Variants in SYT9 observed in about 807,000 individuals in gnomAD.
SYT9 encodes synaptotagmin-9.
In SYT9, 22 loss-of-function variants were observed where a neutral mutation model predicts 48.4. That is an observed-to-expected ratio of 0.45 (90% confidence interval 0.32 to 0.65). SYT9 has a LOEUF of 0.65. Ranked by LOEUF, SYT9 falls within the 30% of genes least tolerant of loss-of-function variation. The probability of loss-of-function intolerance (pLI) is 0.03; values close to 1 mark genes in which losing one functional copy is unlikely to be tolerated. For missense variants in SYT9, 577 were observed against 622.0 expected (o/e 0.93, Z 0.77); for synonymous variants, 265 against 245.0 (o/e 1.08, Z -0.76).
intron 1 of SYT9, among the ~76,000 whole-genome samples, chr11:7,299,232 T>C (rs1387198698): frequency 2.6e-5 from 4 of 152,206 alleles, no homozygotes; most frequent in Non-Finnish European, 5.9e-5. Context: ...TGATGCTCCC[T>C]CTCCATTTTT....
At chr11:7,254,722 T>C (rs1363663616) in intron 1 of SYT9, among the ~76,000 whole-genome samples, 3 of 152,194 alleles carry the variant, frequency 2.0e-5, no homozygotes, top group Admixed American at 2.0e-4. Flanking sequence ...TCTGTTATTG[T>C]CCATTCACGG....
chr11:7,346,796 G>C (rs1243250253), intron 3 of SYT9, among the ~76,000 whole-genome samples: 1 of 152,202 alleles, frequency 6.6e-6, no homozygotes, highest in Non-Finnish European at 1.5e-5. Flanking sequence ...AGATAATTCT[G>C]ATACAAAGTC....
chr11:7,315,160 T>C (rs1006970744), intron 3 of SYT9, among the ~76,000 whole-genome samples: 5 of 152,158 alleles, frequency 3.3e-5, no homozygotes, highest in Non-Finnish European at 5.9e-5. Context: ...TGGAGCTGGA[T>C]AAGGTGCAGA....
chr11:7,420,490 T>C lies in SYT9; in HGVS notation c.1338-16T>C, dbSNP rs1466834498. On this transcript the variant is annotated splice_polypyrimidine_tract_variant and intron_variant, in intron 5 of 6. Coordinates refer to ENST00000318881, the MANE Select transcript of SYT9 (RefSeq NM_175733.4). ...CCAAAATTTTAAGAAAAAACTATTG[T>C]GGGCCATTTTCACAGTGTAGGTCAC... The C allele has an allele frequency of 3.1e-6, 5 of 1,613,250 alleles. No individual in the cohort carries two copies. Among genetic ancestry groups the C allele is most frequent in the African/African-American group, 1.3e-5 (1 of 74,908 alleles).
rs189523792 is a variant in SYT9 at position 7,394,098 on chromosome 11, C to G, written c.1045-21944C>G. On this transcript the variant is annotated intron_variant, in intron 3 of 6. Transcript: ENST00000318881. ...TTAACATTAGGTATATCTCCTAATG[C>G]TATCCCTCCCCCCTTCCCCCACCCC... Among the ~76,000 whole-genome samples the G allele has an allele frequency of 5.2e-4, 79 of 152,006 alleles. No individual in the cohort carries two copies. The East Asian group carries it at 0.013, about 25-fold the overall frequency.
chr11:7,314,639 C>A (rs1448316749), intron 3 of SYT9, among the ~76,000 whole-genome samples: 1 of 152,196 alleles, frequency 6.6e-6, no homozygotes, highest in Non-Finnish European at 1.5e-5. Flanking sequence ...GATATTTCTA[C>A]TCCATTTATA....
intron 1 of SYT9, among the ~76,000 whole-genome samples, chr11:7,297,638 C>T (rs1160868086): frequency 6.6e-6 from 1 of 152,212 alleles, no homozygotes; most frequent in Middle Eastern, 3.2e-3. Flanking sequence ...ACCAGTCTTC[C>T]AACTTCAGTA....
At chr11:7,267,952 C>T (rs1848220778) in intron 1 of SYT9, among the ~76,000 whole-genome samples, 1 of 151,928 alleles carries the variant, frequency 6.6e-6, no homozygotes, top group Admixed American at 6.6e-5. Flanking sequence ...AAATGGCATA[C>T]ATGCCAATGA....
At chr11:7,381,554 A>T (rs561420606) in intron 3 of SYT9, among the ~76,000 whole-genome samples, 1 of 152,298 alleles carries the variant, frequency 6.6e-6, no homozygotes, top group African/African-American at 2.4e-5. Flanking sequence ...AGTACTGAGA[A>T]AAGCAGAGTA....
intron 1 of SYT9, among the ~76,000 whole-genome samples, chr11:7,242,083 G>T (rs999223476): frequency 2.0e-5 from 3 of 152,224 alleles, no homozygotes; most frequent in Non-Finnish European, 2.9e-5. Context: ...ACAGCACACA[G>T]TATGTGATGC....
chr11:7,364,481 TAAAG>T (rs1442534077), intron 3 of SYT9, among the ~76,000 whole-genome samples: 2 of 152,202 alleles, frequency 1.3e-5, no homozygotes, highest in African/African-American at 2.4e-5. Context: ...ATTCTATAGA[TAAAG>T]AAACAAATGT....
At chr11:7,320,180 T>C (rs984621249) in intron 3 of SYT9, among the ~76,000 whole-genome samples, 1 of 152,220 alleles carries the variant, frequency 6.6e-6, no homozygotes, top group Admixed American at 6.5e-5. Context: ...TGAGGTTACA[T>C]AGCTGAATAA....
rs531226280 is a variant in SYT9 at position 7,313,584 on chromosome 11, A to G, written c.687A>G (p.Lys229=). The G allele has an allele frequency of 6.8e-6, 11 of 1,614,196 alleles. No homozygotes were observed. The African/African-American group carries it at 1.5e-4, about 22-fold the overall frequency. The change falls in exon 3 of 7, where the codon AAA becomes AAG. Residue 229 remains lysine (K), a synonymous_variant. Transcript: ENST00000318881. ...KACGKLNFIL[K]YDCDLEQLIV... is the part of the protein sequence containing the mutation. Reference sequence around the variant, plus strand: ...GTGGGAAACTGAACTTCATTTTAAAATATGACTGTGACTTAGAGCAGCTCA... The same window carrying G: ...GTGGGAAACTGAACTTCATTTTAAAGTATGACTGTGACTTAGAGCAGCTCA...
At chr11:7,445,302 ATG>A (rs1165354923) in intron 6 of SYT9, among the ~76,000 whole-genome samples, 2 of 152,206 alleles carry the variant, frequency 1.3e-5, no homozygotes, top group Non-Finnish European at 1.5e-5. Flanking sequence ...ATGTCCAAAA[ATG>A]TGCTTCAGCG....
At chr11:7,310,412 G>C (rs142006773) in intron 2 of SYT9, among the ~76,000 whole-genome samples, 1 of 151,078 alleles carries the variant, frequency 6.6e-6, no homozygotes, top group Non-Finnish European at 1.5e-5. Flanking sequence ...GAGATTACAG[G>C]TGTGAGCCAT....
At chr11:7,305,433 T>C (rs1849013700) in intron 2 of SYT9, among the ~76,000 whole-genome samples, 1 of 152,186 alleles carries the variant, frequency 6.6e-6, no homozygotes, top group African/African-American at 2.4e-5. Context: ...TGTCTCAGGA[T>C]CTCACCACAA....
chr11:7,422,328 T>C (rs1847371594), intron 6 of SYT9, among the ~76,000 whole-genome samples: 1 of 152,116 alleles, frequency 6.6e-6, no homozygotes, highest in Admixed American at 6.5e-5. Flanking sequence ...AAGAAGAGCC[T>C]AGGACCCCCT....
chr11:7,456,584 C>G (rs1406372863), intron 6 of SYT9, among the ~76,000 whole-genome samples: 1 of 152,228 alleles, frequency 6.6e-6, no homozygotes, highest in African/African-American at 2.4e-5. Context: ...GTGAACAGAT[C>G]TAATGTCCAT....
Position 7,313,669 on chromosome 11 carries a change from C to T in SYT9, c.772C>T (p.Pro258Ser). 6.2e-7 allele frequency: 1 copy of T among 1,614,184 alleles called. No individual in the cohort carries two copies. Among genetic ancestry groups the T allele is most frequent in the Non-Finnish European group, 8.5e-7 (1 of 1,180,010 alleles). Residue 258 changes from proline (P) to serine (S), a missense_variant, in exon 3 of 7, where the codon CCT becomes TCT. Coordinates refer to ENST00000318881, the MANE Select transcript of SYT9 (RefSeq NM_175733.4). The stretch of plus-strand genomic sequence containing the variant: ...CAAGGACTTTTCTGGGACTTCAGAT[C>T]CTTATGTCAAGATCTATTTGCTTCC... ...PAKDFSGTSD[P>S]YVKIYLLPDR...
Sources: gnomAD v4.1 joint callset for allele counts (sites outside exome capture counted in the v4.1 genomes callset) on GRCh38, gnomAD v4.1.1 for gene constraint, MANE v1.5 for transcripts, NCBI Gene and HGNC (gene_info 2026-07-23, HGNC 2026-07-21) for gene names.